Variants in DAB1 observed in about 807,000 individuals in gnomAD.
DAB1 encodes the protein DAB adaptor protein 1, also known as disabled homolog 1.
A neutral mutation model predicts 64.6 loss-of-function variants in DAB1; 15 were observed. The observed-to-expected ratio is 0.23, with a 90% CI of 0.16 to 0.36. The LOEUF (loss-of-function observed/expected upper bound fraction) is 0.36, where lower values mean the gene tolerates loss of function less well. Ranked by LOEUF, DAB1 falls within the 10% of genes least tolerant of loss-of-function variation. The probability of loss-of-function intolerance (pLI) is 1.00; values close to 1 mark genes in which losing one functional copy is unlikely to be tolerated. For synonymous variants in DAB1, 235 were observed against 251.9 expected, an observed-to-expected ratio of 0.93 and a Z score of 0.64; for missense variants, 596 against 706.7, an observed-to-expected ratio of 0.84 and a Z score of 1.78.
intron 1 of DAB1, among the ~76,000 whole-genome samples, chr1:57,861,807 T>C (rs771852793): frequency 1.5e-4 from 23 of 149,466 alleles, no homozygotes; most frequent in Non-Finnish European, 3.1e-4. Flanking sequence ...CTATAATATA[T>C]AATATGTATT....
chr1:57,335,068 A>T (rs1408814444), intron 1 of DAB1, among the ~76,000 whole-genome samples: 1 of 152,182 alleles, frequency 6.6e-6, no homozygotes, highest in African/African-American at 2.4e-5. Context: ...CAATAAAATA[A>T]GTTAGTAGCA....
intron 2 of DAB1, among the ~76,000 whole-genome samples, chr1:57,188,551 A>G (rs997731229): frequency 7.9e-5 from 12 of 152,186 alleles, no homozygotes; most frequent in African/African-American, 2.9e-4. Context: ...ATATTCTCAC[A>G]TCTCATTTAT....
intron 5 of DAB1, among the ~76,000 whole-genome samples, chr1:58,099,854 T>G (rs1259356809): frequency 1.3e-5 from 2 of 152,160 alleles, no homozygotes; most frequent in African/African-American, 4.8e-5. Flanking sequence ...ACGGGCTCAG[T>G]TTTGAACACC....
intron 4 of DAB1, among the ~76,000 whole-genome samples, chr1:58,333,936 C>T (rs983107790): frequency 6.6e-6 from 1 of 152,118 alleles, no homozygotes; most frequent in Admixed American, 6.5e-5. Flanking sequence ...GTTATTTGTG[C>T]CTTGTGGACC....
intron 3 of DAB1, among the ~76,000 whole-genome samples, chr1:58,428,491 G>C (rs1282589983): frequency 6.6e-6 from 1 of 152,128 alleles, no homozygotes; most frequent in Non-Finnish European, 1.5e-5. Context: ...AGAGACCAAA[G>C]AGCTATATGT....
At chr1:57,832,720 CAGAG>C (rs1418282361) in intron 1 of DAB1, among the ~76,000 whole-genome samples, 1 of 152,128 alleles carries the variant, frequency 6.6e-6, no homozygotes, top group Non-Finnish European at 1.5e-5. Context: ...AGAGAAAAGA[CAGAG>C]GGAGTCAAAG....
intron 4 of DAB1, among the ~76,000 whole-genome samples, chr1:58,203,083 C>T (rs1045243252): frequency 6.6e-6 from 1 of 152,138 alleles, no homozygotes; most frequent in African/African-American, 2.4e-5. Context: ...AGATCCTGCC[C>T]TTAAGAGTTT....
Position 57,284,246 on chromosome 1 carries a change from T to C in DAB1, c.67+6718A>G, listed in dbSNP as rs190001447. 1.1e-3 allele frequency among the ~76,000 whole-genome samples: 169 copies of C among 152,230 alleles called. 1 individual carries two copies. The highest frequency in any genetic ancestry group is 3.9e-3 in the African/African-American group (162 of 41,528). Reference sequence around the variant, plus strand: ...TATTTTTTCAGGGAAAGACGAGACATAAATATCAGAAGGCCCCCTCCCCTG... The same window carrying C: ...TATTTTTTCAGGGAAAGACGAGACACAAATATCAGAAGGCCCCCTCCCCTG... On this transcript the variant is annotated intron_variant, in intron 2 of 14. Coordinates refer to ENST00000371236, the MANE Select transcript of DAB1 (RefSeq NM_001365792.1).
chr1:57,465,586 A>G (rs1345923275), intron 7 of DAB1, among the ~76,000 whole-genome samples: 1 of 152,232 alleles, frequency 6.6e-6, no homozygotes, highest in African/African-American at 2.4e-5. Flanking sequence ...AGATTAATAT[A>G]GTTTGAAATT....
intron 4 of DAB1, among the ~76,000 whole-genome samples, chr1:58,165,386 T>A (rs1353601988): frequency 6.6e-6 from 1 of 152,132 alleles, no homozygotes; most frequent in Non-Finnish European, 1.5e-5. Flanking sequence ...GTTTGCCATA[T>A]AATTCCTGCA....
intron 5 of DAB1, among the ~76,000 whole-genome samples, chr1:58,148,782 C>T (rs748593422): frequency 2.5e-4 from 38 of 152,012 alleles, no homozygotes; most frequent in Non-Finnish European, 3.8e-4. Context: ...CACACCCCCC[C>T]CCCAACCTCA....
intron 7 of DAB1, among the ~76,000 whole-genome samples, chr1:57,612,370 T>C (rs1645738792): frequency 6.6e-6 from 1 of 152,128 alleles, no homozygotes; most frequent in Admixed American, 6.5e-5. Flanking sequence ...TTTGCAGATA[T>C]GATTGGATTA....
chr1:57,059,958 A>C (rs1434561288), intron 9 of DAB1, among the ~76,000 whole-genome samples: 4 of 152,124 alleles, frequency 2.6e-5, no homozygotes, highest in African/African-American at 4.8e-5. Flanking sequence ...CTGAGAGAAC[A>C]GCGGGTTGGG....
At chr1:57,993,585 T>G (rs1646380379) in intron 5 of DAB1, among the ~76,000 whole-genome samples, 1 of 152,212 alleles carries the variant, frequency 6.6e-6, no homozygotes, top group Admixed American at 6.5e-5. Flanking sequence ...ACCCGCTGCA[T>G]TTGGCTGATA....
chr1:58,252,060 A>G (rs1025189095), intron 4 of DAB1, among the ~76,000 whole-genome samples: 1 of 152,222 alleles, frequency 6.6e-6, no homozygotes, highest in African/African-American at 2.4e-5. Context: ...GAAAATATAA[A>G]TAATAATCTA....
intron 1 of DAB1, among the ~76,000 whole-genome samples, chr1:57,408,848 T>C (rs1052702516): frequency 1.3e-5 from 2 of 152,158 alleles, no homozygotes; most frequent in Non-Finnish European, 2.9e-5. Flanking sequence ...CCCTGCTCCA[T>C]GGAGTGTTGC....
rs561897678 is a variant in DAB1, at chr1:57,855,260, A to C, written n.87+28739T>G. Among the ~76,000 whole-genome samples, 3 of 152,278 alleles carry C rather than the reference A, an allele frequency of 2.0e-5. No individual in the cohort carries two copies. The South Asian group carries it at 6.2e-4, about 32-fold the overall frequency. The stretch of plus-strand genomic sequence containing the variant: ...CAACACATGATGCTTGGTGTTTTCC[A>C]AATATGATCTTATTTAATCCTCATT... On this transcript the variant is annotated intron_variant and non_coding_transcript_variant, in intron 1 of 1. Transcript: ENST00000477280.
intron 5 of DAB1, among the ~76,000 whole-genome samples, chr1:58,114,883 C>T (rs1557655975): frequency 6.6e-6 from 1 of 152,086 alleles, no homozygotes; most frequent in Non-Finnish European, 1.5e-5. Flanking sequence ...ATGTCTGTGC[C>T]CCGCCCATCA....
intron 5 of DAB1, among the ~76,000 whole-genome samples, chr1:57,907,250 C>T (rs917394192): frequency 1.3e-5 from 2 of 152,204 alleles, no homozygotes; most frequent in East Asian, 1.9e-4. Context: ...AGGCACGGTG[C>T]ACCTACAGAG....
Sources: allele counts gnomAD v4.1 joint callset (sites outside exome capture counted in the v4.1 genomes callset), GRCh38; gene constraint gnomAD v4.1.1; transcripts MANE v1.5; gene names NCBI Gene and HGNC (gene_info 2026-07-23, HGNC 2026-07-21).